PROZ: variants seen among roughly 807,000 people sequenced by gnomAD.
PROZ encodes vitamin K-dependent protein Z.
A neutral mutation model predicts 34.9 loss-of-function variants in PROZ; 46 were observed. The ratio of observed to expected loss-of-function variants is 1.32; its 90% confidence interval spans 1.04 to 1.69. The LOEUF is 1.69. Among genes scored for constraint, PROZ ranks in the 40% most tolerant of loss-of-function variants. The probability of loss-of-function intolerance (pLI) is 0.00; values close to 1 mark genes in which losing one functional copy is unlikely to be tolerated. For synonymous variants in PROZ, 195 were observed against 208.5 expected (o/e 0.94, Z 0.56); for missense variants, 530 against 520.4 (o/e 1.02, Z -0.18).
At chr13:113,160,880 C>A (rs1433429240) in intron 2 of PROZ, 68 bp from the exon 3 acceptor site, 6 of 1,345,986 alleles carry the variant, frequency 4.5e-6, no homozygotes, top group African/African-American at 4.3e-5. Flanking sequence ...CCTTCAAGTT[C>A]ATCTACAGGA....
At chr13:113,167,006 T>C (rs1489759016) in intron 6 of PROZ, among the ~76,000 whole-genome samples, 2 of 152,234 alleles carry the variant, frequency 1.3e-5, no homozygotes, top group Non-Finnish European at 2.9e-5. Flanking sequence ...TACATACTAT[T>C]AGATTTTTTA....
intron 6 of PROZ, among the ~76,000 whole-genome samples, chr13:113,169,058 C>A (rs777773625): frequency 4.6e-5 from 7 of 152,126 alleles, no homozygotes; most frequent in Non-Finnish European, 7.3e-5. Context: ...TTCTCTCCTC[C>A]TTCTCCCTGC....
intron 4 of PROZ, among the ~76,000 whole-genome samples, chr13:113,163,337 C>T (rs1309647121): frequency 9.9e-5 from 15 of 152,140 alleles, no homozygotes; most frequent in Non-Finnish European, 4.4e-5. Flanking sequence ...GCTGCCCCTT[C>T]CAGACAGGCC....
Position 113,159,914 on chromosome 13 carries a change from C to T in PROZ, c.71-100C>T, listed in dbSNP as rs568294656. Reference sequence around the variant, plus strand: ...CAGGCTGAGAGCCTGTGGAGACGGACGGGGCTGGGGCTGGCGGCCGGCCGG... The same window carrying T: ...CAGGCTGAGAGCCTGTGGAGACGGATGGGGCTGGGGCTGGCGGCCGGCCGG... On this transcript the variant is annotated intron_variant, in intron 1 of 7. Transcript: ENST00000375547. This position sits in a 1 kb window ranked among gnomAD's most constrained non-coding sequence, Gnocchi z 4.6. The T allele has an allele frequency of 1.7e-5, 25 of 1,432,118 alleles. No homozygotes were observed. The highest frequency in any genetic ancestry group is 2.8e-5 in the African/African-American group (2 of 71,144). 88.7% of individuals were successfully genotyped at this position (1,432,118 alleles called of 1,614,324 possible).
intron 3 of PROZ, 118 bp from the exon 4 acceptor site, chr13:113,162,891 A>AC (rs1250740830): frequency 2.5e-5 from 7 of 284,630 alleles, no homozygotes; most frequent in Admixed American, 8.0e-5. Context: ...CCCTGCTGCC[A>AC]CCCCCCACTC....
chr13:113,163,254 C>T (rs922539955), intron 4 of PROZ, 132 bp downstream of exon 4: 2 of 779,868 alleles, frequency 2.6e-6, no homozygotes, highest in African/African-American at 3.4e-5. Flanking sequence ...CGATTTGGCT[C>T]ACCCCAGGGG....
At position 113,171,462 on chromosome 13, in the gene PROZ, CG is replaced by C. The variant is rs2037108931; in HGVS notation, c.692-128del. The C allele has an allele frequency of 9.1e-7, 1 of 1,093,110 alleles. No individual in the cohort carries two copies. Among genetic ancestry groups the C allele is most frequent in the Non-Finnish European group, 1.3e-6 (1 of 748,606 alleles). 67.7% of individuals were successfully genotyped at this position (1,093,110 alleles called of 1,614,324 possible). A position where few individuals can be genotyped will look rare whatever the true frequency, so the allele number is the denominator to read the frequency against. On this transcript the variant is annotated intron_variant, in intron 7 of 7. Coordinates refer to ENST00000375547, the MANE Select transcript of PROZ (RefSeq NM_003891.3). This position sits in a 1 kb window ranked among gnomAD's most constrained non-coding sequence, Gnocchi z 5.1. ...GCAGAAAGGCACAGTGTCCACACCACGGGGCGGTGAGCCTGCGGGTCCTCCA... is the reference window on the plus strand; with the variant it reads ...GCAGAAAGGCACAGTGTCCACACCACGGGCGGTGAGCCTGCGGGTCCTCCA...
chr13:113,171,193 G>T lies in PROZ; in HGVS notation c.692-401G>T, dbSNP rs3024768. ...CTGCCTCGGCCTCCCGAAGCGCTGGGATTACAGATGTGAGCCACTGTGCCT... is the reference window on the plus strand; with the variant it reads ...CTGCCTCGGCCTCCCGAAGCGCTGGTATTACAGATGTGAGCCACTGTGCCT... On this transcript the variant is annotated intron_variant, in intron 7 of 7. Coordinates refer to ENST00000375547, the MANE Select transcript of PROZ (RefSeq NM_003891.3). This position sits in a 1 kb window ranked among gnomAD's most constrained non-coding sequence, Gnocchi z 5.1. Among the ~76,000 whole-genome samples, 9 of 152,206 alleles carry T rather than the reference G, an allele frequency of 5.9e-5. No homozygotes were observed. The highest frequency in any genetic ancestry group is 2.2e-4 in the African/African-American group (9 of 41,462).
rs1566933078 is a variant in PROZ at position 113,171,924 on chromosome 13, G to C, written c.1022G>C (p.Cys341Ser). 2 of 1,613,818 alleles carry C rather than the reference G, an allele frequency of 1.2e-6. No homozygotes were observed. Among genetic ancestry groups the C allele is most frequent in the Non-Finnish European group, 1.7e-6 (2 of 1,180,048 alleles). ...LNVTVTTRTY[C>S]ERSSVAAMHW... The stretch of plus-strand genomic sequence containing the variant: ...GTGACTGTCACCACCAGGACCTACT[G>C]TGAGAGAAGCAGCGTGGCGGCCATG... The change falls in exon 8 of 8, where the codon TGT (cysteine) becomes TCT (serine). Residue 341 changes from cysteine to serine, a missense_variant. Cys to Ser is a moderately radical substitution (Grantham distance 112, BLOSUM62 -1). Transcript: ENST00000375547. The surrounding 1 kb of genome is among the most constrained non-coding windows in gnomAD (Gnocchi z 5.1).
Position 113,160,929 on chromosome 13 carries a change from TTA to T in PROZ, c.235-17_235-16del, listed in dbSNP as rs776862079. On this transcript the variant is annotated splice_polypyrimidine_tract_variant and intron_variant, in intron 2 of 7. Coordinates refer to ENST00000375547, the MANE Select transcript of PROZ (RefSeq NM_003891.3). ...AACAAATATCCCATTTGTAACATTTTTATGTTTTAACTCTAAAGGATGAATTC... is the reference window on the plus strand; with the variant it reads ...AACAAATATCCCATTTGTAACATTTTTGTTTTAACTCTAAAGGATGAATTC... 4.5e-5 allele frequency: 72 copies of T among 1,590,860 alleles called. 1 individual carries two copies. In the South Asian group the frequency reaches 7.5e-4, roughly 17 times the overall value.
rs2036800878 is a variant in PROZ, at chr13:113,163,256, C to A, written c.373+134C>A. The A allele has an allele frequency of 1.3e-5, 10 of 765,564 alleles. No homozygotes were observed. The Admixed American group carries it at 2.1e-4, about 16-fold the overall frequency. The allele number at this position is 765,564 out of a possible 1,614,324, so 47.4% of individuals were successfully genotyped here. On this transcript the variant is annotated intron_variant, in intron 4 of 7. Coordinates refer to ENST00000375547, the MANE Select transcript of PROZ (RefSeq NM_003891.3). The stretch of plus-strand genomic sequence containing the variant: ...CCTGTGTGAACCGCGATTTGGCTCA[C>A]CCCAGGGGATTCCTCTCATCCCAAC...
Position 113,171,750 on chromosome 13 carries a change from CT to C in PROZ, c.849del (p.Glu284ArgfsTer31), listed in dbSNP as rs2037118089. 2 of 1,611,644 alleles carry C rather than the reference CT, an allele frequency of 1.2e-6. No homozygotes were observed. Among genetic ancestry groups the C allele is most frequent in the African/African-American group, 2.7e-5 (2 of 74,900 alleles). On this transcript the variant is annotated frameshift_variant, in exon 8 of 8. Coordinates refer to ENST00000375547, the MANE Select transcript of PROZ (RefSeq NM_003891.3). LOFTEE classifies it low-confidence loss of function (END_TRUNC). This position sits in a 1 kb window ranked among gnomAD's most constrained non-coding sequence, Gnocchi z 5.1. ...GGTGCGGGGCTCCCCGTGTGCACCC[CT>C]GAGAAAGACTTCGCTGAGCACCTCC... ...CPGAGLPVCT[P>X]EKDFAEHLLI...
rs577417082 is a variant in PROZ at position 113,163,233 on chromosome 13, T to C, written c.373+111T>C. ...CCTGAGGTGTAGCCATGAAGGTGCC[T>C]GTGTGAACCGCGATTTGGCTCACCC... is the stretch of plus-strand genomic sequence containing the variant. On this transcript the variant is annotated intron_variant, in intron 4 of 7. Coordinates refer to ENST00000375547, the MANE Select transcript of PROZ (RefSeq NM_003891.3). The C allele has an allele frequency of 4.8e-4, 445 of 926,880 alleles. 2 individuals carry two copies. The African/African-American group carries it at 6.9e-3, about 14-fold the overall frequency. 57.4% of individuals were successfully genotyped at this position (926,880 alleles called of 1,614,324 possible). A position where few individuals can be genotyped will look rare whatever the true frequency, so the allele number is the denominator to read the frequency against.
intron 2 of PROZ, 42 bp from the exon 3 acceptor site, chr13:113,160,906 C>T (rs749789855): frequency 2.0e-6 from 3 of 1,532,310 alleles, no homozygotes; most frequent in African/African-American, 1.4e-5. Context: ...TATAGAAAAA[C>T]AAATATCCCA....
intron 6 of PROZ, chr13:113,166,243 AAT>A (rs1338756375): frequency 6.6e-6 from 1 of 152,256 alleles, no homozygotes; most frequent in African/African-American, 2.4e-5. Context: ...TATTTAACCC[AAT>A]ATGTGTCATT....
rs2037131616 is a variant in PROZ at position 113,172,290 on chromosome 13, T to G, written c.*185T>G. 7.0e-6 allele frequency: 5 copies of G among 716,948 alleles called. No individual in the cohort carries two copies. The East Asian group carries it at 1.4e-4, about 19-fold the overall frequency. The allele number at this position is 716,948 out of a possible 1,614,324, so 44.4% of individuals were successfully genotyped here. A position where few individuals can be genotyped will look rare whatever the true frequency, so the allele number is the denominator to read the frequency against. On this transcript the variant is annotated 3_prime_UTR_variant, in exon 8 of 8. Transcript: ENST00000375547. ...GGGTTGTTTACCGAGCACTGTGACC[T>G]TTCTTTCCCTGGAACTCTTTATCTC...
intron 5 of PROZ, 118 bp downstream of exon 5, chr13:113,164,762 C>T: frequency 6.8e-7 from 1 of 1,476,390 alleles, no homozygotes; most frequent in South Asian, 1.2e-5. Context: ...GTTGCCACGA[C>T]TCAGAAGGTG....
rs770258114 is a variant in PROZ at position 113,162,982 on chromosome 13, AC to A, written c.260-23del. ...TCAGGTCCCCGTTCCTGTCACCACC[AC>A]CCCAACCCCCATCCTCCTCCTGCAG... On this transcript the variant is annotated intron_variant, in intron 3 of 7. Transcript: ENST00000375547. 17 of 943,654 alleles carry A rather than the reference AC, an allele frequency of 1.8e-5. No individual in the cohort carries two copies. The South Asian group carries it at 2.5e-4, about 14-fold the overall frequency. 58.5% of individuals were successfully genotyped at this position (943,654 alleles called of 1,614,324 possible).
At position 113,165,380 on chromosome 13, in the gene PROZ, C is replaced by T. The variant is rs374348847; in HGVS notation, c.573+260C>T. 3.9e-5 allele frequency among the ~76,000 whole-genome samples: 6 copies of T among 152,250 alleles called. No individual in the cohort carries two copies. The East Asian group carries it at 7.7e-4, about 20-fold the overall frequency. ...CAAACTGTTACCAATGTCATTTTCTCAGAACATAAGCATCTCAAAATCTCT... is the reference window on the plus strand; with the variant it reads ...CAAACTGTTACCAATGTCATTTTCTTAGAACATAAGCATCTCAAAATCTCT... On this transcript the variant is annotated intron_variant, in intron 6 of 7. Transcript: ENST00000375547.
Sources: gnomAD v4.1 joint callset for allele counts (sites outside exome capture counted in the v4.1 genomes callset) on GRCh38, gnomAD v4.1.1 for gene constraint, Gnocchi (gnomAD v3.1) non-coding constraint, MANE v1.5 for transcripts, NCBI Gene and HGNC (gene_info 2026-07-23, HGNC 2026-07-21) for gene names.